Variants in ATG2B observed in about 807,000 individuals in gnomAD.
ATG2B encodes the protein autophagy related 2B.
In ATG2B, 121 loss-of-function variants were observed where a neutral mutation model predicts 241.3. The observed-to-expected ratio is 0.50, with a 90% CI of 0.43 to 0.58. ATG2B has a LOEUF of 0.58. Among genes scored for constraint, ATG2B ranks in the 20% least tolerant of loss-of-function variants. ATG2B has a pLI of 0.00. For synonymous variants in ATG2B, 858 were observed against 876.6 expected, an observed-to-expected ratio of 0.98 and a Z score of 0.37; for missense variants, 2,306 against 2,491.6, an observed-to-expected ratio of 0.93 and a Z score of 1.59.
intron 30 of ATG2B, among the ~76,000 whole-genome samples, 174 bp from the exon 31 acceptor site, chr14:96,305,989 CA>C (rs1435176592): frequency 2.6e-5 from 4 of 152,146 alleles, no homozygotes; most frequent in Non-Finnish European, 5.9e-5. Context: ...CTTTATTAAC[CA>C]TAAAATAAAC....
chr14:96,336,778 A>G (rs1887879430), intron 6 of ATG2B, among the ~76,000 whole-genome samples: 1 of 152,218 alleles, frequency 6.6e-6, no homozygotes, highest in Non-Finnish European at 1.5e-5. Context: ...GGATGTTACC[A>G]CAGCAGAGGA....
rs1391423411 is a variant in ATG2B, at chr14:96,284,324, T to C, written c.*1431A>G. 1 of 152,216 alleles carries C rather than the reference T, an allele frequency of 6.6e-6. No homozygotes were observed. The highest frequency in any genetic ancestry group is 2.4e-5 in the African/African-American group (1 of 41,450). 9.4% of individuals were successfully genotyped at this position (152,216 alleles called of 1,614,324 possible). ...TTGGCAGTAAAAAGGAAACTAAAAT[T>C]AAAAGCTATATAACCCCATTTTTAT... On this transcript the variant is annotated 3_prime_UTR_variant, in exon 42 of 42. Coordinates refer to ENST00000359933, the MANE Select transcript of ATG2B (RefSeq NM_018036.7).
rs1241965054 is a variant in ATG2B, at chr14:96,317,838, A to G, written c.2897T>C (p.Leu966Pro). 3.1e-6 allele frequency: 5 copies of G among 1,609,164 alleles called. No homozygotes were observed. Among genetic ancestry groups the G allele is most frequent in the South Asian group, 1.1e-5 (1 of 90,212 alleles). The change falls in exon 19 of 42, where the codon CTA (leucine) becomes CCA (proline). Residue 966 changes from leucine (L) to proline (P), a missense_variant. Physicochemically the swap from Leu to Pro is moderately conservative, Grantham distance 98. Around this residue, in one of 2 missense-constraint regions of ATG2B, gnomAD observed 1,927 missense variants for 2,011.2 expected, o/e 0.96. Coordinates refer to ENST00000359933, the MANE Select transcript of ATG2B (RefSeq NM_018036.7). The part of the protein sequence containing the change: ...KLYNRIFNDL[L>P]LWEPTAPSPV... ...TGAAGGAGCTGTTGGTTCCCACAGT[A>G]GCAAGTCATTAAAGATCCTATAAAG... is the stretch of plus-strand genomic sequence containing the variant.
At chr14:96,346,712 A>G (rs2139899213) in intron 2 of ATG2B, among the ~76,000 whole-genome samples, 1 of 152,274 alleles carries the variant, frequency 6.6e-6, no homozygotes, top group Admixed American at 6.5e-5. Flanking sequence ...ATACTGATTT[A>G]TCTGTATCAG....
At chr14:96,292,828 C>CT (rs1886524390) in intron 36 of ATG2B, among the ~76,000 whole-genome samples, 1 of 152,116 alleles carries the variant, frequency 6.6e-6, no homozygotes, top group East Asian at 1.9e-4. Context: ...CTTCCAGGGC[C>CT]TTTATGGATA....
chr14:96,329,381 T>A (rs1887670845), intron 12 of ATG2B, 103 bp downstream of exon 12: 4 of 754,486 alleles, frequency 5.3e-6, no homozygotes, highest in Non-Finnish European at 8.1e-6. Flanking sequence ...ATTCCTCCTA[T>A]GGCTTTCTAT....
In ATG2B at chr14:96,344,650, T is replaced by C; in HGVS notation, c.581+4A>G. ...CATTTATTTTCAGACATAAGAATTC[T>C]TACCTTTCTATTCGAATTTCAAGTG... On this transcript the variant is annotated splice_donor_region_variant and intron_variant, in intron 4 of 41. Transcript: ENST00000359933. 6.4e-7 allele frequency: 1 copy of C among 1,559,530 alleles called. No homozygotes were observed. Among genetic ancestry groups the C allele is most frequent in the South Asian group, 1.1e-5 (1 of 86,976 alleles).
rs745650320 is a variant in ATG2B, at chr14:96,283,492, C to T, written c.*2263G>A. 6.6e-6 allele frequency: 1 copy of T among 152,164 alleles called. No homozygotes were observed. The highest frequency in any genetic ancestry group is 1.5e-5 in the Non-Finnish European group (1 of 68,052). The allele number at this position is 152,164 out of a possible 1,614,324, so 9.4% of individuals were successfully genotyped here. ...TGATCATTCTCACACGCACACACAG[C>T]CTAATCATCCAAAACCTCCCTTTGG... On this transcript the variant is annotated 3_prime_UTR_variant, in exon 42 of 42. Coordinates refer to ENST00000359933, the MANE Select transcript of ATG2B (RefSeq NM_018036.7).
chr14:96,315,201 T>A lies in ATG2B; in HGVS notation c.3595A>T (p.Thr1199Ser). 1 of 1,614,112 alleles carries A rather than the reference T, an allele frequency of 6.2e-7. No individual in the cohort carries two copies. The highest frequency in any genetic ancestry group is 8.5e-7 in the Non-Finnish European group (1 of 1,179,992). ...FLIAVGLKGA[T>S]LQHRMLPSGL... The stretch of plus-strand genomic sequence containing the variant: ...GAAGGAAGCATTCTATGCTGGAGAG[T>A]GGCTCCTTTCAGTCCTACGGCAATG... Residue 1199 changes from threonine (T) to serine (S), a missense_variant, in exon 23 of 42, where the codon ACT (threonine) becomes TCT (serine). Around this residue, in one of 2 missense-constraint regions of ATG2B, gnomAD observed 1,927 missense variants for 2,011.2 expected, o/e 0.96. Transcript: ENST00000359933.
chr14:96,354,039 A>C (rs1369786239), intron 1 of ATG2B, among the ~76,000 whole-genome samples: 1 of 152,240 alleles, frequency 6.6e-6, no homozygotes, highest in Admixed American at 6.5e-5. Flanking sequence ...AATAAAAAGT[A>C]AGTCAATTTT....
In ATG2B at chr14:96,289,720, C is replaced by T. The variant is rs760382963; in HGVS notation, c.5942G>A (p.Arg1981Gln). The change falls in exon 41 of 42, where the codon CGG becomes CAG. Residue 1981 changes from arginine (R) to glutamine (Q), a missense_variant. Transcript: ENST00000359933. The surrounding 1 kb of genome is among the most constrained non-coding windows in gnomAD (Gnocchi z 4.3). ...PKKTKRFPHHRLAHQPVDLRE... is the reference protein window; with the variant it reads ...PKKTKRFPHHQLAHQPVDLRE... ...CAGGTCTACTGGCTGGTGGGCTAAC[C>T]GGTGATGAGGAAACCTTTTGGTCTT... 1.7e-5 allele frequency: 27 copies of T among 1,614,062 alleles called. No individual in the cohort carries two copies. In the South Asian group the frequency reaches 2.5e-4, roughly 15 times the overall value.
chr14:96,307,019 A>G (rs1054902849), intron 29 of ATG2B, 103 bp from the exon 30 acceptor site: 4 of 924,304 alleles, frequency 4.3e-6, no homozygotes, highest in African/African-American at 1.7e-5. Flanking sequence ...TACCTGCAAT[A>G]TCTCATTTAT....
At chr14:96,329,426 A>G (rs1195200022) in intron 12 of ATG2B, 58 bp downstream of exon 12, 5 of 1,293,416 alleles carry the variant, frequency 3.9e-6, no homozygotes, top group Non-Finnish European at 5.3e-6. Context: ...TCATACAATC[A>G]TTAAAAAGCA....
At chr14:96,326,149 TAAA>T (rs761993658) in intron 14 of ATG2B, among the ~76,000 whole-genome samples, 73 of 152,170 alleles carry the variant, frequency 4.8e-4, no homozygotes, top group Non-Finnish European at 9.3e-4. Flanking sequence ...AACTCTGAAA[TAAA>T]AAATTAAATT....
rs1439545921 is a variant in ATG2B at position 96,282,039 on chromosome 14, T to A, written c.*3716A>T. 1 of 152,232 alleles carries A rather than the reference T, an allele frequency of 6.6e-6. No homozygotes were observed. Among genetic ancestry groups the A allele is most frequent in the African/African-American group, 2.4e-5 (1 of 41,452 alleles). 9.4% of individuals were successfully genotyped at this position (152,232 alleles called of 1,614,324 possible). A position where few individuals can be genotyped will look rare whatever the true frequency, so the allele number is the denominator to read the frequency against. ...ATATAATGTCTATTCAAGGGGGCAG[T>A]GTGCCTAGCATGATCCTGAAATGTT... On this transcript the variant is annotated 3_prime_UTR_variant, in exon 42 of 42. Coordinates refer to ENST00000359933, the MANE Select transcript of ATG2B (RefSeq NM_018036.7).
In ATG2B at chr14:96,331,446, T is replaced by C. The variant is rs1464371925; in HGVS notation, c.1660A>G (p.Arg554Gly). 1.2e-6 allele frequency: 2 copies of C among 1,614,138 alleles called. No homozygotes were observed. The highest frequency in any genetic ancestry group is 2.2e-5 in the South Asian group (2 of 91,082). The part of the protein sequence containing the change: ...FTCIEKIDPA[R>G]FSTEDFKSFR... The stretch of plus-strand genomic sequence containing the variant: ...GACTTAAAATCTTCTGTTGAAAATC[T>C]TGCTGGATCAATCTTTTCTATACAA... Residue 554 changes from arginine (R) to glycine (G), a missense_variant, in exon 11 of 42, where the codon AGA becomes GGA. Transcript: ENST00000359933.
intron 6 of ATG2B, among the ~76,000 whole-genome samples, chr14:96,338,742 T>C (rs1444563941): frequency 6.6e-6 from 1 of 152,156 alleles, no homozygotes; most frequent in Non-Finnish European, 1.5e-5. Context: ...AAAGAATTCA[T>C]GACTAAGACC....
At chr14:96,317,033 T>C in intron 20 of ATG2B, 112 bp downstream of exon 20, 1 of 1,052,692 alleles carries the variant, frequency 9.5e-7, no homozygotes, top group Non-Finnish European at 1.4e-6. Context: ...TCTTCATCAG[T>C]CCCTGAAACA....
At chr14:96,307,068 G>A in intron 29 of ATG2B, 152 bp from the exon 30 acceptor site, 2 of 707,664 alleles carry the variant, frequency 2.8e-6, no homozygotes, top group Non-Finnish European at 4.6e-6. Context: ...CTTAAAGAGA[G>A]CTAAGTAACA....
Sources: allele counts gnomAD v4.1 joint callset (sites outside exome capture counted in the v4.1 genomes callset), GRCh38; gene constraint gnomAD v4.1.1; regional missense constraint gnomAD v4.1.1; non-coding constraint Gnocchi (gnomAD v3.1); transcripts MANE v1.5; gene names NCBI Gene and HGNC (gene_info 2026-07-23, HGNC 2026-07-21).